SGCD: variants seen among roughly 807,000 people sequenced by gnomAD.
The protein encoded by SGCD is sarcoglycan delta.
In SGCD, 18 loss-of-function variants were observed where a neutral mutation model predicts 36.6. That is an observed-to-expected ratio of 0.49 (90% confidence interval 0.34 to 0.73). The LOEUF (loss-of-function observed/expected upper bound fraction) is 0.73. Among genes scored for constraint, SGCD ranks in the 30% least tolerant of loss-of-function variants. The pLI is 0.01. For missense variants in SGCD, 387 were observed against 346.7 expected, an observed-to-expected ratio of 1.12 and a Z score of -0.92; for synonymous variants, 133 against 130.6, an observed-to-expected ratio of 1.02 and a Z score of -0.12.
intron 3 of SGCD, among the ~76,000 whole-genome samples, chr5:156,160,755 A>G (rs749799109): frequency 5.3e-5 from 8 of 151,670 alleles, no homozygotes; most frequent in Non-Finnish European, 1.0e-4. Context: ...TCATCACGTA[A>G]TAGTAGCTTA....
At chr5:156,650,967 A>G (rs893032743) in intron 7 of SGCD, among the ~76,000 whole-genome samples, 1 of 152,166 alleles carries the variant, frequency 6.6e-6, no homozygotes, top group African/African-American at 2.4e-5. Context: ...TTTACTCCAC[A>G]GTCTCACCAA....
At chr5:155,973,583 G>C (rs922242242) in intron 1 of SGCD, among the ~76,000 whole-genome samples, 1 of 152,128 alleles carries the variant, frequency 6.6e-6, no homozygotes, top group Admixed American at 6.6e-5. Context: ...TTTGGTGTTT[G>C]GCCATTTACC....
intron 1 of SGCD, among the ~76,000 whole-genome samples, chr5:155,950,451 G>GTA (rs1757526525): frequency 6.6e-6 from 1 of 152,112 alleles, no homozygotes; most frequent in South Asian, 2.1e-4. Flanking sequence ...GCTCAGAAGC[G>GTA]GTTAAACCCG....
intron 6 of SGCD, among the ~76,000 whole-genome samples, chr5:156,626,119 G>A (rs1762430683): frequency 6.6e-6 from 1 of 152,128 alleles, no homozygotes; most frequent in South Asian, 2.1e-4. Flanking sequence ...GCACAAGACA[G>A]CCCCCTACAA....
the SGCD span, among the ~76,000 whole-genome samples, chr5:155,750,541 A>G: frequency 2.6e-5 from 4 of 152,226 alleles, no homozygotes; most frequent in African/African-American, 9.6e-5. Flanking sequence ...GTATATGAAG[A>G]ACCAGATTTC....
intron 6 of SGCD, among the ~76,000 whole-genome samples, chr5:156,614,355 A>G (rs1316016182): frequency 6.6e-6 from 1 of 152,228 alleles, no homozygotes; most frequent in East Asian, 1.9e-4. Flanking sequence ...AAATCCAGGC[A>G]GTCTTCACCA....
Position 156,647,504 on chromosome 5 carries a change from T to G in SGCD, c.543T>G (p.Pro181=), listed in dbSNP as rs200451694. The change falls in exon 7 of 9, where the codon CCT becomes CCG. Residue 181 remains proline, a synonymous_variant. Transcript: ENST00000337851. The part of the protein sequence containing the change: ...GTVFPKSIET[P]NVRADPFKEL... ...TGTTCCCTAAATCTATAGAAACACCTAATGTCAGGGCAGACCCCTTCAAAG... is the reference window on the plus strand; with the variant it reads ...TGTTCCCTAAATCTATAGAAACACCGAATGTCAGGGCAGACCCCTTCAAAG... 6.4e-5 allele frequency: 102 copies of G among 1,586,526 alleles called. No individual in the cohort carries two copies. In the African/African-American group the frequency reaches 1.3e-3, roughly 20 times the overall value.
At chr5:156,754,326 T>C (rs947359598) in intron 7 of SGCD, among the ~76,000 whole-genome samples, 2 of 152,234 alleles carry the variant, frequency 1.3e-5, no homozygotes, top group African/African-American at 4.8e-5. Flanking sequence ...TTATATTGAA[T>C]CATTCACTTT....
At chr5:155,828,955 G>A in the SGCD span, among the ~76,000 whole-genome samples, 1 of 151,938 alleles carries the variant, frequency 6.6e-6, no homozygotes, top group East Asian at 1.9e-4. Context: ...CCAAAGTGCT[G>A]GGATTACAGG....
intron 3 of SGCD, among the ~76,000 whole-genome samples, chr5:156,402,830 G>T (rs1014109447): frequency 6.6e-6 from 1 of 152,162 alleles, no homozygotes; most frequent in African/African-American, 2.4e-5. Flanking sequence ...AGGGCTCTTT[G>T]TGTTGATGCG....
At chr5:155,820,809 G>C in the SGCD span, among the ~76,000 whole-genome samples, 1 of 152,198 alleles carries the variant, frequency 6.6e-6, no homozygotes, top group Admixed American at 6.5e-5. Flanking sequence ...TATATTCCAA[G>C]TGACCATCAC....
chr5:156,531,578 G>A lies in SGCD; in HGVS notation c.294+22876G>A, dbSNP rs982836073. ...TCTCCACACAACACATCACAGGGTCGGTGGTCCTGTTCGATCCAGCAACAT... is the reference window on the plus strand; with the variant it reads ...TCTCCACACAACACATCACAGGGTCAGTGGTCCTGTTCGATCCAGCAACAT... On this transcript the variant is annotated intron_variant, in intron 4 of 8. Transcript: ENST00000337851. Among the ~76,000 whole-genome samples, 9 of 152,238 alleles carry A rather than the reference G, an allele frequency of 5.9e-5. No homozygotes were observed. The South Asian group carries it at 6.2e-4, about 11-fold the overall frequency.
chr5:156,073,069 G>C (rs1033526130), intron 1 of SGCD, among the ~76,000 whole-genome samples: 1 of 151,980 alleles, frequency 6.6e-6, no homozygotes, highest in African/African-American at 2.4e-5. Context: ...CTTTGCCTTT[G>C]GTTTGAATTT....
chr5:156,043,507 G>C (rs974986322), intron 1 of SGCD, among the ~76,000 whole-genome samples: 3 of 152,158 alleles, frequency 2.0e-5, no homozygotes, highest in Non-Finnish European at 4.4e-5. Context: ...CACTGGGAAA[G>C]TGGGGGCAAA....
intron 3 of SGCD, among the ~76,000 whole-genome samples, chr5:156,265,107 A>G (rs1765965474): frequency 1.3e-5 from 2 of 152,124 alleles, no homozygotes; most frequent in Non-Finnish European, 2.9e-5. Flanking sequence ...TTTATACTTT[A>G]CCACTGAAGG....
At position 156,390,784 on chromosome 5, in the gene SGCD, G is replaced by T. The variant is rs150804481; in HGVS notation, c.192+46107G>T. ...AAAAAATTTTTTAATAAAACTTATA[G>T]AATAAGGGTATAAAGAAAGAAAATA... On this transcript the variant is annotated intron_variant, in intron 3 of 8. Transcript: ENST00000337851. 3.0e-4 allele frequency among the ~76,000 whole-genome samples: 45 copies of T among 152,186 alleles called. No homozygotes were observed. In the East Asian group the frequency reaches 7.7e-3, roughly 26 times the overall value.
At position 156,225,427 on chromosome 5, in the gene SGCD, A is replaced by G. The variant is rs148556449; in HGVS notation, c.-44+101408A>G. On this transcript the variant is annotated intron_variant, in intron 3 of 9. Transcript: ENST00000517913. Reference sequence around the variant, plus strand: ...TCAAAAAGTGATTATTGTTTTTATTATTATTAGAATTACAATAATTTATCC... The same window carrying G: ...TCAAAAAGTGATTATTGTTTTTATTGTTATTAGAATTACAATAATTTATCC... 4.6e-5 allele frequency among the ~76,000 whole-genome samples: 7 copies of G among 152,252 alleles called. No individual in the cohort carries two copies. In the East Asian group the frequency reaches 1.4e-3, roughly 29 times the overall value.
chr5:156,678,040 G>T (rs1753583286), intron 7 of SGCD, among the ~76,000 whole-genome samples: 1 of 152,154 alleles, frequency 6.6e-6, no homozygotes, highest in South Asian at 2.1e-4. Context: ...ACCAGCTGGG[G>T]AGTTTAAAAA....
chr5:156,420,612 A>ATTTTACTTC (rs1773257642), intron 3 of SGCD, among the ~76,000 whole-genome samples: 1 of 152,170 alleles, frequency 6.6e-6, no homozygotes, highest in African/African-American at 2.4e-5. Context: ...AAAGAAATGT[A>ATTTTACTTC]TTTTACTTCT....
Sources: allele counts gnomAD v4.1 joint callset (sites outside exome capture counted in the v4.1 genomes callset), GRCh38; gene constraint gnomAD v4.1.1; transcripts MANE v1.5; gene names NCBI Gene and HGNC (gene_info 2026-07-23, HGNC 2026-07-21).